Variants in CDC16 observed in about 807,000 individuals in gnomAD.
The protein encoded by CDC16 is cell division cycle 16, also known as cell division cycle protein 16 homolog.
In CDC16, 34 loss-of-function variants were observed where a neutral mutation model predicts 87.0. That is an observed-to-expected ratio of 0.39 (90% CI 0.30 to 0.52). The LOEUF (loss-of-function observed/expected upper bound fraction) is 0.52, where lower values mean the gene tolerates loss of function less well. Among genes scored for constraint, CDC16 ranks in the 20% least tolerant of loss-of-function variants. The pLI is 0.74. For missense variants in CDC16, 653 were observed against 751.9 expected (o/e 0.87, Z 1.54); for synonymous variants, 263 against 260.6 (o/e 1.01, Z -0.09).
intron 17 of CDC16, among the ~76,000 whole-genome samples, chr13:114,271,308 G>C (rs944394222): frequency 2.6e-5 from 4 of 152,158 alleles, no homozygotes; most frequent in African/African-American, 9.7e-5. Context: ...CTATTGGTTT[G>C]AACTGTGTAA....
chr13:114,242,354 T>A, intron 6 of CDC16, 74 bp downstream of exon 6: 1 of 1,402,974 alleles, frequency 7.1e-7, no homozygotes, highest in East Asian at 2.3e-5. Context: ...CTCTGAAATC[T>A]TCTAAGTCAA....
chr13:114,235,169 T>C, intron 1 of CDC16, 37 bp downstream of exon 1: 2 of 1,224,932 alleles, frequency 1.6e-6, no homozygotes, highest in South Asian at 7.9e-5. Flanking sequence ...GGCCCAGGCC[T>C]CGCCGGGTCT....
At position 114,234,942 on chromosome 13, in the gene CDC16, G is replaced by C. The variant is rs1410584564; in HGVS notation, c.-143G>C. On this transcript the variant is annotated 5_prime_UTR_variant, in exon 1 of 18. Coordinates refer to ENST00000356221, the MANE Select transcript of CDC16 (RefSeq NM_001078645.3). ...GGGGTGCGGGTGTGGGTGGGGACCTGCGGCCTTCGAGTCCGCGGCCTTCGA... is the reference window on the plus strand; with the variant it reads ...GGGGTGCGGGTGTGGGTGGGGACCTCCGGCCTTCGAGTCCGCGGCCTTCGA... The C allele has an allele frequency of 1.0e-5, 5 of 484,916 alleles. No individual in the cohort carries two copies. The highest frequency in any genetic ancestry group is 1.6e-5 in the Non-Finnish European group (5 of 307,822). 30.0% of individuals were successfully genotyped at this position (484,916 alleles called of 1,614,324 possible).
chr13:114,271,863 G>T (rs1233675229), intron 17 of CDC16, among the ~76,000 whole-genome samples: 1 of 152,136 alleles, frequency 6.6e-6, no homozygotes, highest in Non-Finnish European at 1.5e-5. Flanking sequence ...TTGGAAATGG[G>T]CAACTGTTGA....
At chr13:114,243,648 C>T (rs1050844951) in intron 7 of CDC16, among the ~76,000 whole-genome samples, 5 of 152,082 alleles carry the variant, frequency 3.3e-5, no homozygotes, top group African/African-American at 4.8e-5. Context: ...TTGAGAAATA[C>T]GTCCCGCTGT....
At chr13:114,240,019 A>AG (rs200526580) in intron 5 of CDC16, among the ~76,000 whole-genome samples, 2,523 of 152,300 alleles carry the variant, frequency 0.017, 73 homozygotes, top group African/African-American at 0.057. Context: ...TTTAAAAAAA[A>AG]AAATAAAAAC....
intron 14 of CDC16, 88 bp from the exon 15 acceptor site, chr13:114,261,799 C>A: frequency 1.1e-6 from 1 of 873,214 alleles, no homozygotes; most frequent in Non-Finnish European, 1.8e-6. Context: ...GAGAGCCCAG[C>A]TTGCAAGGCG....
chr13:114,264,003 A>C (rs1180261318), intron 16 of CDC16, among the ~76,000 whole-genome samples: 1 of 152,176 alleles, frequency 6.6e-6, no homozygotes, highest in Non-Finnish European at 1.5e-5. Context: ...CAGTGAACTA[A>C]TGGTATTTGG....
At chr13:114,239,780 C>T (rs999511492) in intron 5 of CDC16, among the ~76,000 whole-genome samples, 1 of 151,856 alleles carries the variant, frequency 6.6e-6, no homozygotes, top group Admixed American at 6.6e-5. Flanking sequence ...TTTTTCTTCT[C>T]CTTTCTGTGT....
At chr13:114,272,055 G>C (rs2083716185) in intron 17 of CDC16, 129 bp from the exon 18 acceptor site, 1 of 557,044 alleles carries the variant, frequency 1.8e-6, no homozygotes. Context: ...AATGATAAAT[G>C]ATGGAGTTTT....
chr13:114,263,741 C>CTT (rs528570168), intron 16 of CDC16, among the ~76,000 whole-genome samples: 17 of 151,658 alleles, frequency 1.1e-4, no homozygotes, highest in Non-Finnish European at 2.4e-4. Context: ...CTTTCCAACT[C>CTT]TCTCTCTCTC....
intron 12 of CDC16, among the ~76,000 whole-genome samples, chr13:114,256,209 T>C (rs898248951): frequency 1.3e-5 from 2 of 152,250 alleles, no homozygotes; most frequent in African/African-American, 4.8e-5. Context: ...CCTTCCAAAG[T>C]TCTGAAAAAA....
chr13:114,243,893 T>C lies in CDC16; in HGVS notation c.671T>C (p.Val224Ala). ...AGTGAAACGGTCATCCCTGAATCTG[T>C]AGATGGCTTGCAAGAGAATCTGGAT... ...KPSETVIPESVDGLQENLDVV... is the reference protein window; with the variant it reads ...KPSETVIPESADGLQENLDVV... Residue 224 changes from valine (V) to alanine (A), a missense_variant, in exon 8 of 18, where the codon GTA (valine) becomes GCA (alanine). Physicochemically the swap from Val to Ala is moderately conservative, Grantham distance 64 (BLOSUM62 0). Transcript: ENST00000356221. The C allele has an allele frequency of 6.2e-7, 1 of 1,609,018 alleles. No individual in the cohort carries two copies. Among genetic ancestry groups the C allele is most frequent in the Non-Finnish European group, 8.5e-7 (1 of 1,175,546 alleles).
At chr13:114,248,095 C>G (rs113377109) in intron 11 of CDC16, among the ~76,000 whole-genome samples, 1 of 152,134 alleles carries the variant, frequency 6.6e-6, no homozygotes, top group East Asian at 1.9e-4. Flanking sequence ...TGAACTGATT[C>G]ATGTAATGAT....
At chr13:114,262,190 G>A (rs2139125806) in intron 15 of CDC16, among the ~76,000 whole-genome samples, 1 of 152,272 alleles carries the variant, frequency 6.6e-6, no homozygotes, top group South Asian at 2.1e-4. Context: ...TAATTCAGAA[G>A]AATTAGGACA....
chr13:114,242,306 T>A (rs1305453814), intron 6 of CDC16, 26 bp downstream of exon 6: 1 of 1,592,956 alleles, frequency 6.3e-7, no homozygotes. Flanking sequence ...CTTTTTTGTT[T>A]TATGTTTAGC....
intron 5 of CDC16, 34 bp downstream of exon 5, chr13:114,239,524 C>T (rs772215098): frequency 4.9e-5 from 73 of 1,491,686 alleles, no homozygotes; most frequent in East Asian, 1.6e-4. Context: ...TCAGTAACGG[C>T]GGCGAGAATT....
intron 5 of CDC16, 88 bp from the exon 6 acceptor site, chr13:114,242,033 C>CA (rs762085866): frequency 1.6e-5 from 23 of 1,445,438 alleles, no homozygotes; most frequent in Admixed American, 4.5e-5. Context: ...GCCTGGGAGA[C>CA]AGAGTGAGAC....
At chr13:114,259,428 C>T (rs1231178868) in intron 14 of CDC16, 30 bp downstream of exon 14, 2 of 1,253,708 alleles carry the variant, frequency 1.6e-6, no homozygotes, top group Non-Finnish European at 2.2e-6. Context: ...TAAATATACA[C>T]ATATACACCC....
Sources: allele counts gnomAD v4.1 joint callset (sites outside exome capture counted in the v4.1 genomes callset), GRCh38; gene constraint gnomAD v4.1.1; transcripts MANE v1.5; gene names NCBI Gene and HGNC (gene_info 2026-07-23, HGNC 2026-07-21).